SLC16A12: variants seen among roughly 807,000 people sequenced by gnomAD.
SLC16A12 encodes the protein monocarboxylate transporter 12.
A neutral mutation model predicts 42.4 loss-of-function variants in SLC16A12; 17 were observed. The observed-to-expected ratio is 0.40, with a 90% CI of 0.27 to 0.60. The LOEUF (loss-of-function observed/expected upper bound fraction) is 0.60, where lower values mean the gene tolerates loss of function less well. Ranked by LOEUF, SLC16A12 falls within the 20% of genes least tolerant of loss-of-function variation. SLC16A12 has a pLI of 0.42. For missense variants in SLC16A12, 544 were observed against 623.0 expected (o/e 0.87, Z 1.35); for synonymous variants, 224 against 229.4 (o/e 0.98, Z 0.21).
chr10:89,537,890 A>G (rs1261506723), upstream of SLC16A12, among the ~76,000 whole-genome samples: 2 of 152,260 alleles, frequency 1.3e-5, no homozygotes, highest in African/African-American at 4.8e-5. Context: ...TTGTTTCATT[A>G]GAAGTTCAGA....
chr10:89,519,204 C>T (rs1443653359), intron 2 of SLC16A12, among the ~76,000 whole-genome samples: 1 of 152,054 alleles, frequency 6.6e-6, no homozygotes, highest in Non-Finnish European at 1.5e-5. Flanking sequence ...GAACAAAAGA[C>T]AGTGGGACCT....
chr10:89,532,503 A>G (rs7080332), intron 2 of SLC16A12, among the ~76,000 whole-genome samples: 31,151 of 152,200 alleles, frequency 0.2, 3,316 homozygotes, highest in East Asian at 0.34. Context: ...TTTAGTTTTC[A>G]TCAATTAAAT....
At chr10:89,471,536 G>C (rs1397575384) in intron 2 of SLC16A12, among the ~76,000 whole-genome samples, 1 of 152,092 alleles carries the variant, frequency 6.6e-6, no homozygotes, top group African/African-American at 2.4e-5. Context: ...TCATTTGTTT[G>C]TTGATAATTG....
At chr10:89,465,702 C>T (rs1842382983) in intron 2 of SLC16A12, among the ~76,000 whole-genome samples, 1 of 152,180 alleles carries the variant, frequency 6.6e-6, no homozygotes, top group Non-Finnish European at 1.5e-5. Context: ...TCCGTCCCTT[C>T]CTCTATTCCA....
intron 2 of SLC16A12, among the ~76,000 whole-genome samples, chr10:89,533,046 TGAA>T (rs1221899112): frequency 1.3e-5 from 2 of 152,318 alleles, no homozygotes; most frequent in East Asian, 3.9e-4. Context: ...TGACTCCAAA[TGAA>T]CATATATTAA....
chr10:89,486,598 AAAAAAAAAG>A (rs1171429907), intron 2 of SLC16A12, among the ~76,000 whole-genome samples: 2 of 128,088 alleles, frequency 1.6e-5, no homozygotes, highest in Non-Finnish European at 3.2e-5. Context: ...TCTCAAAAAA[AAAAAAAAAG>A]AAAGAAAGAA....
chr10:89,504,013 T>A (rs1843024653), intron 2 of SLC16A12, among the ~76,000 whole-genome samples: 1 of 152,170 alleles, frequency 6.6e-6, no homozygotes, highest in African/African-American at 2.4e-5. Flanking sequence ...AGTTACAAAA[T>A]AATTAAGAAA....
intron 3 of SLC16A12, among the ~76,000 whole-genome samples, chr10:89,445,143 C>A (rs1438719842): frequency 1.3e-5 from 2 of 152,252 alleles, no homozygotes; most frequent in African/African-American, 4.8e-5. Context: ...GACTTCACCT[C>A]TGGGGGAGGG....
chr10:89,540,179 G>C (rs890541649), upstream of SLC16A12, among the ~76,000 whole-genome samples: 7 of 151,668 alleles, frequency 4.6e-5, no homozygotes, highest in African/African-American at 1.7e-4. Flanking sequence ...GTTCACTGCA[G>C]CCTTGATTAC....
At chr10:89,555,608 TATATATACAG>T (rs1843809414) in intron 2 of SLC16A12, among the ~76,000 whole-genome samples, 2 of 144,668 alleles carry the variant, frequency 1.4e-5, no homozygotes, top group Admixed American at 7.0e-5. Context: ...CATATATACA[TATATATACAG>T]ATATGTATAT....
At chr10:89,548,504 A>G (rs764826932) in intron 2 of SLC16A12, among the ~76,000 whole-genome samples, 8 of 152,038 alleles carry the variant, frequency 5.3e-5, no homozygotes, top group African/African-American at 9.7e-5. Flanking sequence ...TGCAATGTCT[A>G]GTAGGAGAAA....
intron 2 of SLC16A12, among the ~76,000 whole-genome samples, chr10:89,486,604 A>AAAG (rs1374100894): frequency 2.6e-5 from 1 of 38,182 alleles, no homozygotes; most frequent in Non-Finnish European, 4.9e-5. Context: ...AAAAAAAAAA[A>AAAG]AAGAAAGAAA....
chr10:89,454,295 A>G (rs1245233377), intron 3 of SLC16A12, among the ~76,000 whole-genome samples: 3 of 151,926 alleles, frequency 2.0e-5, no homozygotes, highest in African/African-American at 4.8e-5. Context: ...GGCATAAGTC[A>G]CTATCTCATA....
At chr10:89,438,207 C>T (rs966351370) in intron 6 of SLC16A12, among the ~76,000 whole-genome samples, 8 of 152,072 alleles carry the variant, frequency 5.3e-5, no homozygotes, top group Admixed American at 1.3e-4. Context: ...ACGGTTTTTC[C>T]GTTTAAAAAT....
upstream of SLC16A12, among the ~76,000 whole-genome samples, chr10:89,539,201 A>AT (rs959975697): frequency 7.2e-5 from 11 of 152,018 alleles, no homozygotes; most frequent in Middle Eastern, 3.4e-3. Flanking sequence ...GACATTGAAT[A>AT]TTTTTTTTCT....
intron 6 of SLC16A12, among the ~76,000 whole-genome samples, chr10:89,438,206 C>T (rs993012767): frequency 6.6e-5 from 10 of 152,134 alleles, no homozygotes; most frequent in Non-Finnish European, 1.3e-4. Flanking sequence ...AACGGTTTTT[C>T]CGTTTAAAAA....
At chr10:89,459,602 AAACAAAC>A (rs1842261834) in intron 3 of SLC16A12, among the ~76,000 whole-genome samples, 1 of 152,046 alleles carries the variant, frequency 6.6e-6, no homozygotes, top group Non-Finnish European at 1.5e-5. Flanking sequence ...ACAAACAAAC[AAACAAAC>A]AAACTAGAAT....
chr10:89,504,107 A>G (rs11185734), intron 2 of SLC16A12, among the ~76,000 whole-genome samples: 4,795 of 151,330 alleles, frequency 0.032, 243 homozygotes, highest in African/African-American at 0.11. Context: ...ATTAGTCATC[A>G]GATTTTACCA....
chr10:89,437,606 T>A (rs1841824304), intron 6 of SLC16A12, among the ~76,000 whole-genome samples: 1 of 151,690 alleles, frequency 6.6e-6, no homozygotes, highest in Non-Finnish European at 1.5e-5. Context: ...ATTGTGAAAA[T>A]AGGTAATCTT....
Sources: allele counts gnomAD v4.1 joint callset (sites outside exome capture counted in the v4.1 genomes callset), GRCh38; gene constraint gnomAD v4.1.1; transcripts MANE v1.5; gene names NCBI Gene and HGNC (gene_info 2026-07-23, HGNC 2026-07-21).